Variants in RBFOX1 observed in about 807,000 individuals in gnomAD.
The protein encoded by RBFOX1 is RNA binding protein fox-1 homolog 1.
In RBFOX1, 8 loss-of-function variants were observed where a neutral mutation model predicts 57.7. The observed-to-expected ratio is 0.14, with a 90% CI of 0.08 to 0.25. The LOEUF (loss-of-function observed/expected upper bound fraction) is 0.25, where lower values mean the gene tolerates loss of function less well. Ranked by LOEUF, RBFOX1 falls within the 10% of genes least tolerant of loss-of-function variation. The pLI is 1.00. For synonymous variants in RBFOX1, 326 were observed against 222.4 expected (o/e 1.47, Z -4.15); for missense variants, 611 against 548.5 (o/e 1.11, Z -1.14).
At chr16:7,052,700 T>C (rs984056255) in intron 4 of RBFOX1, among the ~76,000 whole-genome samples, 1 of 152,198 alleles carries the variant, frequency 6.6e-6, no homozygotes, top group African/African-American at 2.4e-5. Context: ...GCAGGGAGTG[T>C]TTGGTTATAA....
chr16:6,196,259 C>CG lies in RBFOX1; in HGVS notation c.-126-120736_-126-120735insG, dbSNP rs796122051. 1.1e-4 allele frequency among the ~76,000 whole-genome samples: 16 copies of CG among 152,226 alleles called. No individual in the cohort carries two copies. The East Asian group carries it at 2.5e-3, about 24-fold the overall frequency. On this transcript the variant is annotated intron_variant, in intron 1 of 15. Coordinates refer to ENST00000550418, the MANE Select transcript of RBFOX1 (RefSeq NM_018723.4). ...TGAATTCAGGATTCCTAAGCTCGTG[C>CG]TTTTTTTACCCCTGCACCAGAGGAA...
intron 10 of RBFOX1, among the ~76,000 whole-genome samples, chr16:7,616,620 G>A (rs190413931): frequency 2.0e-5 from 3 of 152,276 alleles, no homozygotes; most frequent in Admixed American, 1.3e-4. Flanking sequence ...CTGGAGTGCA[G>A]GGGCGTTATC....
At chr16:7,145,749 C>T (rs984991546) in intron 4 of RBFOX1, among the ~76,000 whole-genome samples, 1 of 152,102 alleles carries the variant, frequency 6.6e-6, no homozygotes, top group Non-Finnish European at 1.5e-5. Context: ...TGGTATGGCC[C>T]TGTATTAGGG....
intron 4 of RBFOX1, among the ~76,000 whole-genome samples, chr16:7,130,502 C>T (rs1040686904): frequency 6.6e-6 from 1 of 152,082 alleles, no homozygotes; most frequent in African/African-American, 2.4e-5. Flanking sequence ...ACTCTAATGC[C>T]TAACACAGAG....
intron 3 of RBFOX1, among the ~76,000 whole-genome samples, chr16:5,825,180 C>G (rs1020028667): frequency 6.6e-6 from 1 of 152,222 alleles, no homozygotes; most frequent in Non-Finnish European, 1.5e-5. Flanking sequence ...CGGCTATGCA[C>G]AGCTTCAAAA....
chr16:5,631,233 A>T (rs908257801), intron 3 of RBFOX1, among the ~76,000 whole-genome samples: 8 of 152,186 alleles, frequency 5.3e-5, no homozygotes, highest in African/African-American at 1.9e-4. Context: ...TCAGGGTCTT[A>T]GAGGCTCTCT....
chr16:7,638,630 G>A (rs181554039), intron 11 of RBFOX1, among the ~76,000 whole-genome samples: 2 of 152,296 alleles, frequency 1.3e-5, no homozygotes, highest in Non-Finnish European at 2.9e-5. Flanking sequence ...AAGGCTGGAT[G>A]TTATTAATAT....
chr16:6,453,752 T>C (rs894016401), intron 2 of RBFOX1, among the ~76,000 whole-genome samples: 6 of 152,216 alleles, frequency 3.9e-5, no homozygotes, highest in African/African-American at 1.4e-4. Context: ...ATGAGCCCCA[T>C]GTGACTGTTT....
chr16:5,739,816 C>T lies in RBFOX1; in HGVS notation c.319-127487C>T, dbSNP rs554118394. Among the ~76,000 whole-genome samples, 47 of 152,320 alleles carry T rather than the reference C, an allele frequency of 3.1e-4. No individual in the cohort carries two copies. The South Asian group carries it at 8.1e-3, about 26-fold the overall frequency. On this transcript the variant is annotated intron_variant, in intron 3 of 19. Coordinates refer to the RBFOX1 transcript ENST00000641259. ...GCCTCCTCCCCTCTCTCCATCTGCACGTGTCTGTCTGTGACTTTGCCATTT... is the reference window on the plus strand; with the variant it reads ...GCCTCCTCCCCTCTCTCCATCTGCATGTGTCTGTCTGTGACTTTGCCATTT...
At chr16:5,408,106 C>A (rs367572017) in intron 1 of RBFOX1, among the ~76,000 whole-genome samples, 13 of 152,290 alleles carry the variant, frequency 8.5e-5, no homozygotes, top group African/African-American at 2.9e-4. Flanking sequence ...TGATGTGACA[C>A]ACGTTCCTCC....
At chr16:5,608,471 C>T (rs1431629240) in intron 3 of RBFOX1, among the ~76,000 whole-genome samples, 1 of 152,144 alleles carries the variant, frequency 6.6e-6, no homozygotes. Context: ...CCAGCCCTGC[C>T]ACCTATTTGT....
chr16:5,454,848 T>TC (rs1168500658), intron 1 of RBFOX1, among the ~76,000 whole-genome samples: 1 of 129,434 alleles, frequency 7.7e-6, no homozygotes, highest in Non-Finnish European at 1.7e-5. Flanking sequence ...TTCCTTTCTT[T>TC]CTTTCTTTTC....
chr16:6,927,762 C>G (rs531205115), intron 3 of RBFOX1, among the ~76,000 whole-genome samples: 1 of 152,158 alleles, frequency 6.6e-6, no homozygotes, highest in African/African-American at 2.4e-5. Context: ...CCTAAAATCT[C>G]CAATCATTGT....
At chr16:6,214,599 A>G in intron 1 of RBFOX1, among the ~76,000 whole-genome samples, 1 of 94,124 alleles carries the variant, frequency 1.1e-5, no homozygotes, top group Non-Finnish European at 2.1e-5. Flanking sequence ...AGGAGGGAGA[A>G]GGTGAGAGGG....
intron 3 of RBFOX1, among the ~76,000 whole-genome samples, chr16:6,900,318 C>T (rs1272868719): frequency 2.6e-5 from 4 of 152,186 alleles, no homozygotes; most frequent in African/African-American, 9.6e-5. Context: ...TCCAAGTTGC[C>T]ATCATCTCCC....
rs1322698913 is a variant in RBFOX1, at chr16:7,518,406, G to A, written c.270+17G>A. 2 of 1,599,150 alleles carry A rather than the reference G, an allele frequency of 1.3e-6. No individual in the cohort carries two copies. The highest frequency in any genetic ancestry group is 2.2e-5 in the East Asian group (1 of 44,546). On this transcript the variant is annotated intron_variant, in intron 5 of 15. Coordinates refer to ENST00000550418, the MANE Select transcript of RBFOX1 (RefSeq NM_018723.4). ...ACCGCCACAGTAAGTGGACGTGTTT[G>A]CTACGGGTGGGAGGTTATGGGGAGG...
chr16:6,737,276 G>T (rs547696591), intron 3 of RBFOX1, among the ~76,000 whole-genome samples: 1 of 152,108 alleles, frequency 6.6e-6, no homozygotes, highest in Non-Finnish European at 1.5e-5. Flanking sequence ...TCTGACAAAA[G>T]TTCACTTGTG....
intron 2 of RBFOX1, among the ~76,000 whole-genome samples, chr16:6,317,676 A>G (rs997024060): frequency 2.6e-5 from 4 of 152,236 alleles, no homozygotes; most frequent in East Asian, 3.9e-4. Flanking sequence ...TGGTGAAGGT[A>G]GCAGTATTTT....
intron 4 of RBFOX1, among the ~76,000 whole-genome samples, chr16:7,351,905 C>G (rs1306233985): frequency 2.6e-5 from 4 of 152,164 alleles, no homozygotes; most frequent in Admixed American, 6.5e-5. Flanking sequence ...CAAGGAGTTT[C>G]CAACCCCAAC....
Sources: allele counts gnomAD v4.1 joint callset (sites outside exome capture counted in the v4.1 genomes callset), GRCh38; gene constraint gnomAD v4.1.1; transcripts MANE v1.5; gene names NCBI Gene and HGNC (gene_info 2026-07-23, HGNC 2026-07-21).